ATP8A1: variants seen among roughly 807,000 people sequenced by gnomAD.
ATP8A1 encodes phospholipid-transporting ATPase IA.
Under a neutral mutation model 177.7 loss-of-function variants are expected in ATP8A1, and 90 were observed. That is an observed-to-expected ratio of 0.51 (90% CI 0.43 to 0.60). The LOEUF (loss-of-function observed/expected upper bound fraction) is 0.60. ATP8A1 is among the 20% of genes least tolerant of loss of function. The pLI is 0.00. For synonymous variants in ATP8A1, 493 were observed against 485.9 expected (o/e 1.01, Z -0.19); for missense variants, 1,072 against 1,392.8 (o/e 0.77, Z 3.67).
intron 5 of ATP8A1, among the ~76,000 whole-genome samples, chr4:42,606,170 G>A (rs1735780496): frequency 6.6e-6 from 1 of 152,162 alleles, no homozygotes; most frequent in African/African-American, 2.4e-5. Context: ...ATTACAACGG[G>A]TTGGATAATT....
intron 18 of ATP8A1, 28 bp downstream of exon 18, chr4:42,551,170 A>G: frequency 6.4e-7 from 1 of 1,572,294 alleles, no homozygotes; most frequent in Non-Finnish European, 8.8e-7. Context: ...ACTTGGATTA[A>G]AAAGAACCTT....
chr4:42,552,948 T>C (rs977078213), intron 16 of ATP8A1, among the ~76,000 whole-genome samples: 23 of 152,158 alleles, frequency 1.5e-4, no homozygotes, highest in Admixed American at 7.9e-4. Flanking sequence ...ATTGCAACAT[T>C]GTACTCTAGC....
intron 24 of ATP8A1, among the ~76,000 whole-genome samples, chr4:42,494,925 C>G (rs1444192122): frequency 6.6e-6 from 1 of 152,096 alleles, no homozygotes; most frequent in Non-Finnish European, 1.5e-5. Context: ...GTTTTTAAAG[C>G]AGAGAAATAA....
rs78643914 is a variant in ATP8A1, at chr4:42,630,746, C to T, written c.50-3637G>A. On this transcript the variant is annotated intron_variant, in intron 1 of 36. Transcript: ENST00000381668. Reference sequence around the variant, plus strand: ...ATTTTCTCTGGGTTCAGACTGAACTCTGAAGCCCACCATGCAATGGGTTTG... The same window carrying T: ...ATTTTCTCTGGGTTCAGACTGAACTTTGAAGCCCACCATGCAATGGGTTTG... Among the ~76,000 whole-genome samples the T allele has an allele frequency of 3.5e-4, 54 of 152,316 alleles. 1 individual carries two copies. Among genetic ancestry groups the T allele is most frequent in the African/African-American group, 1.3e-3 (54 of 41,576 alleles).
At chr4:42,561,488 C>T (rs949500568) in intron 15 of ATP8A1, 14 of 152,364 alleles carry the variant, frequency 9.2e-5, no homozygotes, top group Non-Finnish European at 1.8e-4. Flanking sequence ...AAAGTAGTCC[C>T]ACTCACAGTG....
At chr4:42,488,069 C>T (rs116349030) in intron 24 of ATP8A1, among the ~76,000 whole-genome samples, 1,826 of 152,216 alleles carry the variant, frequency 0.012, 12 homozygotes, top group Middle Eastern at 0.031. Flanking sequence ...ATTCCACAAG[C>T]AAAATTTACT....
At chr4:42,446,716 A>G (rs892660537) in intron 30 of ATP8A1, 72 bp from the exon 31 acceptor site, 27 of 1,427,572 alleles carry the variant, frequency 1.9e-5, no homozygotes, top group Non-Finnish European at 2.5e-5. Context: ...GATATTCAGA[A>G]AGTTTGAACG....
chr4:42,633,902 C>T (rs1415926922), intron 1 of ATP8A1, among the ~76,000 whole-genome samples: 1 of 152,078 alleles, frequency 6.6e-6, no homozygotes. Flanking sequence ...CAGTTGTCAA[C>T]CCAAAAGGGG....
chr4:42,522,187 G>A lies in ATP8A1; in HGVS notation c.1920C>T (p.Leu640=), dbSNP rs770450885. 10 of 1,612,060 alleles carry A rather than the reference G, an allele frequency of 6.2e-6. No homozygotes were observed. The highest frequency in any genetic ancestry group is 7.6e-6 in the Non-Finnish European group (9 of 1,179,558). The change falls in exon 22 of 37, where the codon CTC becomes CTT. Residue 640 remains leucine, a synonymous_variant. Transcript: ENST00000381668. ...STSVQNRLLK[L]EESYELIEKN... is the part of the protein sequence containing the mutation. The stretch of plus-strand genomic sequence containing the variant: ...TTTCAATCAACTCATAACTCTCTTC[G>A]AGTTTGAGTAGCCTGTTCTGCACAG...
At chr4:42,419,831 G>A (rs1158994381) in intron 35 of ATP8A1, among the ~76,000 whole-genome samples, 6 of 152,018 alleles carry the variant, frequency 3.9e-5, no homozygotes, top group South Asian at 2.1e-4. Context: ...GTGAAACCCC[G>A]TCTCTACTAA....
chr4:42,552,569 T>A lies in ATP8A1; in HGVS notation c.1455A>T (p.Ala485=). ...PIICEFLTMM[A]VCHTAVPERE... is the part of the protein sequence containing the mutation. ...GCTCTGGCACTGCTGTGTGACAGACTGCCATCATTGTAAGAAATTCACATA... is the reference window on the plus strand; with the variant it reads ...GCTCTGGCACTGCTGTGTGACAGACAGCCATCATTGTAAGAAATTCACATA... The change falls in exon 17 of 37, where the codon GCA becomes GCT. Residue 485 remains alanine (A), a synonymous_variant. Transcript: ENST00000381668. The A allele has an allele frequency of 3.1e-6, 5 of 1,613,792 alleles. No individual in the cohort carries two copies. The highest frequency in any genetic ancestry group is 4.2e-6 in the Non-Finnish European group (5 of 1,179,928).
chr4:42,578,835 A>G (rs1000043545), intron 11 of ATP8A1, among the ~76,000 whole-genome samples: 1 of 152,138 alleles, frequency 6.6e-6, no homozygotes, highest in African/African-American at 2.4e-5. Flanking sequence ...AGTCCTAGGT[A>G]AATTATTCTC....
chr4:42,469,569 A>G (rs567554628), intron 25 of ATP8A1, among the ~76,000 whole-genome samples: 1 of 152,344 alleles, frequency 6.6e-6, no homozygotes, highest in South Asian at 2.1e-4. Flanking sequence ...ATGTAGCATA[A>G]AGCTTTGATA....
At chr4:42,429,203 G>A (rs1714976092) in intron 33 of ATP8A1, among the ~76,000 whole-genome samples, 1 of 152,104 alleles carries the variant, frequency 6.6e-6, no homozygotes, top group Non-Finnish European at 1.5e-5. Flanking sequence ...CGTATTTTGG[G>A]GAGAGGAGTT....
At chr4:42,502,458 A>C (rs900491937) in intron 24 of ATP8A1, among the ~76,000 whole-genome samples, 1 of 152,224 alleles carries the variant, frequency 6.6e-6, no homozygotes, top group Non-Finnish European at 1.5e-5. Context: ...GAACTGGAGA[A>C]AGATGATGGC....
At chr4:42,426,769 T>A (rs1714669293) in intron 33 of ATP8A1, among the ~76,000 whole-genome samples, 1 of 152,244 alleles carries the variant, frequency 6.6e-6, no homozygotes, top group South Asian at 2.1e-4. Flanking sequence ...AATTTTATGA[T>A]GTTCATCTCA....
intron 22 of ATP8A1, among the ~76,000 whole-genome samples, chr4:42,516,030 GC>G (rs1171348410): frequency 6.6e-6 from 1 of 152,160 alleles, no homozygotes; most frequent in Non-Finnish European, 1.5e-5. Flanking sequence ...TTAATAGGGG[GC>G]AGGCTTTCAT....
At position 42,578,301 on chromosome 4, in the gene ATP8A1, A is replaced by C; in HGVS notation, c.1087T>G (p.Leu363Val). 6.2e-7 allele frequency: 1 copy of C among 1,611,380 alleles called. No individual in the cohort carries two copies. The highest frequency in any genetic ancestry group is 8.5e-7 in the Non-Finnish European group (1 of 1,178,566). ...NLIPISLLVT[L>V]EVVKFTQAYF... ...GCCTGGGTAAATTTCACAACTTCTA[A>C]TGTAACCAATAAGCTGATAGGAATG... The change falls in exon 12 of 37, where the codon TTA becomes GTA. Residue 363 changes from leucine (L) to valine (V), a missense_variant. Coordinates refer to ENST00000381668, the MANE Select transcript of ATP8A1 (RefSeq NM_006095.2).
rs183323961 is a variant in ATP8A1 at position 42,634,589 on chromosome 4, A to G, written c.50-7480T>C. Among the ~76,000 whole-genome samples the G allele has an allele frequency of 3.6e-3, 545 of 152,336 alleles. 1 individual carries two copies. The highest frequency in any genetic ancestry group is 5.1e-3 in the Non-Finnish European group (350 of 68,030). On this transcript the variant is annotated intron_variant, in intron 1 of 36. Transcript: ENST00000381668. ...GGGCATTAAAGAATCATGCCTAAGAATGAGAGAGACTGTTTAGGTCTACCA... is the reference window on the plus strand; with the variant it reads ...GGGCATTAAAGAATCATGCCTAAGAGTGAGAGAGACTGTTTAGGTCTACCA...
Sources: gnomAD v4.1 joint callset for allele counts (sites outside exome capture counted in the v4.1 genomes callset) on GRCh38, gnomAD v4.1.1 for gene constraint, MANE v1.5 for transcripts, NCBI Gene and HGNC (gene_info 2026-07-23, HGNC 2026-07-21) for gene names.